ANKRD30A: variants seen among roughly 807,000 people sequenced by gnomAD.
The protein encoded by ANKRD30A is ankyrin repeat domain 30A.
In ANKRD30A, 170 loss-of-function variants were observed where a neutral mutation model predicts 166.3. The ratio of observed to expected loss-of-function variants is 1.02; its 90% confidence interval spans 0.90 to 1.16. The LOEUF is 1.16. ANKRD30A is among the 50% of genes most tolerant of loss of function. The pLI, the probability that ANKRD30A is intolerant of heterozygous loss-of-function variation, is 0.00. For missense variants in ANKRD30A, 1,630 were observed against 1,518.0 expected (o/e 1.07, Z -1.23); for synonymous variants, 564 against 508.9 (o/e 1.11, Z -1.46).
chr10:37,249,052 C>T, the ANKRD30A span, among the ~76,000 whole-genome samples: 1 of 152,078 alleles, frequency 6.6e-6, no homozygotes, highest in Non-Finnish European at 1.5e-5. Flanking sequence ...TCATGACTTG[C>T]AAGGGTGGTT....
In ANKRD30A at chr10:37,197,310, G is replaced by A. The variant is rs1386330698; in HGVS notation, c.2643+1G>A. 5 of 1,612,986 alleles carry A rather than the reference G, an allele frequency of 3.1e-6. No homozygotes were observed. The highest frequency in any genetic ancestry group is 2.2e-5 in the East Asian group (1 of 44,852). On this transcript the variant is annotated splice_donor_variant, in intron 28 of 35. Coordinates refer to ENST00000361713, the MANE Select transcript of ANKRD30A (RefSeq NM_052997.3). LOFTEE classifies it high-confidence loss of function. The stretch of plus-strand genomic sequence containing the variant: ...TCCCGAGAAGCCATCTGCCTTCGAG[G>A]TATTTAGTTTTATGATTTCATTTTG...
intron 30 of ANKRD30A, among the ~76,000 whole-genome samples, chr10:37,200,503 C>G (rs1841532221): frequency 6.6e-6 from 1 of 152,054 alleles, no homozygotes; most frequent in Admixed American, 6.6e-5. Context: ...CTCTTAGAAA[C>G]AAGCAGCTGC....
At chr10:37,252,325 A>T in the ANKRD30A span, among the ~76,000 whole-genome samples, 40 of 152,350 alleles carry the variant, frequency 2.6e-4, no homozygotes, top group African/African-American at 8.9e-4. Context: ...GAATTAAGCA[A>T]CTAGGCCTTT....
chr10:37,249,671 A>C, the ANKRD30A span, among the ~76,000 whole-genome samples: 2 of 152,298 alleles, frequency 1.3e-5, no homozygotes, highest in Admixed American at 1.3e-4. Flanking sequence ...CTATTAATGA[A>C]ACTAAAGTGG....
At chr10:37,158,321 C>A in intron 13 of ANKRD30A, 71 bp from the exon 14 acceptor site, 6 of 1,539,526 alleles carry the variant, frequency 3.9e-6, no homozygotes, top group Non-Finnish European at 5.3e-6. Context: ...TTCATGTTCA[C>A]ACTGTGTGAA....
the ANKRD30A span, among the ~76,000 whole-genome samples, chr10:37,261,024 AC>A: frequency 6.6e-6 from 1 of 152,064 alleles, no homozygotes; most frequent in Non-Finnish European, 1.5e-5. Flanking sequence ...CTTGCACTTT[AC>A]CCCCAAATGT....
chr10:37,155,172 G>A (rs1305822149), intron 13 of ANKRD30A, among the ~76,000 whole-genome samples: 1 of 152,162 alleles, frequency 6.6e-6, no homozygotes, highest in Non-Finnish European at 1.5e-5. Flanking sequence ...CATAGAAAAT[G>A]TTATTAATAT....
chr10:37,190,918 G>C (rs560658034), intron 25 of ANKRD30A, among the ~76,000 whole-genome samples: 1 of 151,656 alleles, frequency 6.6e-6, no homozygotes, highest in African/African-American at 2.4e-5. Context: ...TTATTTTTAA[G>C]GAAGCAAATT....
intron 15 of ANKRD30A, among the ~76,000 whole-genome samples, chr10:37,159,513 A>C (rs900091082): frequency 6.6e-6 from 1 of 152,130 alleles, no homozygotes; most frequent in South Asian, 2.1e-4. Context: ...ACTCCATCTG[A>C]AAAAGCAAAG....
At chr10:37,195,150 G>A (rs1782087) in intron 27 of ANKRD30A, among the ~76,000 whole-genome samples, 1 of 152,154 alleles carries the variant, frequency 6.6e-6, no homozygotes, top group African/African-American at 2.4e-5. Context: ...GTTAGAACAA[G>A]AATTTTCAAA....
intron 34 of ANKRD30A, among the ~76,000 whole-genome samples, chr10:37,220,567 C>G (rs1446257885): frequency 6.6e-6 from 1 of 150,788 alleles, no homozygotes; most frequent in Non-Finnish European, 1.5e-5. Context: ...TAAATAATAC[C>G]TTAGGACAAA....
chr10:37,202,255 A>G (rs899944217), intron 31 of ANKRD30A, among the ~76,000 whole-genome samples: 1 of 152,194 alleles, frequency 6.6e-6, no homozygotes, highest in African/African-American at 2.4e-5. Context: ...GTCCTCAGCA[A>G]ATGTAAAAGA....
At chr10:37,183,421 G>T (rs1234266229) in intron 24 of ANKRD30A, among the ~76,000 whole-genome samples, 1 of 146,396 alleles carries the variant, frequency 6.8e-6, no homozygotes. Flanking sequence ...AAATGCATAA[G>T]GTTTTAAAGT....
chr10:37,231,308 G>A (rs1036678811), intron 34 of ANKRD30A, among the ~76,000 whole-genome samples, 153 bp from the exon 35 acceptor site: 7 of 151,846 alleles, frequency 4.6e-5, no homozygotes, highest in African/African-American at 1.7e-4. Flanking sequence ...GCATACACTA[G>A]GCATGCTCTC....
chr10:37,129,995 A>G lies in ANKRD30A; in HGVS notation c.324A>G (p.Thr108=), dbSNP rs1836281521. ...ACGTCCTTGATGGCGAACACAGGAC[A>G]CCTCTGATGAAGGTAAATAGTAGCC... ...QLDVLDGEHR[T]PLMKALQCHQ... The change falls in exon 2 of 36, where the codon ACA becomes ACG. Residue 108 remains threonine (T), a synonymous_variant. Coordinates refer to ENST00000361713, the MANE Select transcript of ANKRD30A (RefSeq NM_052997.3). The G allele has an allele frequency of 3.2e-6, 5 of 1,540,428 alleles. No individual in the cohort carries two copies. The highest frequency in any genetic ancestry group is 1.7e-4 in the Middle Eastern group (1 of 5,800).
chr10:37,243,336 G>A, the ANKRD30A span, among the ~76,000 whole-genome samples: 2 of 150,706 alleles, frequency 1.3e-5, no homozygotes, highest in Non-Finnish European at 3.0e-5. Context: ...AGTAGAGACG[G>A]GTTTTCACCG....
chr10:37,225,644 T>C (rs1051538130), intron 34 of ANKRD30A, among the ~76,000 whole-genome samples: 1 of 151,816 alleles, frequency 6.6e-6, no homozygotes. Context: ...TTGGGCTTGA[T>C]TCTAATGGAA....
intron 27 of ANKRD30A, among the ~76,000 whole-genome samples, chr10:37,194,183 C>G (rs1470959785): frequency 2.6e-5 from 4 of 151,964 alleles, no homozygotes; most frequent in Non-Finnish European, 5.9e-5. Context: ...GAGTGAGACT[C>G]CATCTGAAAA....
rs1564549887 is a variant in ANKRD30A, at chr10:37,196,097, T to TTTTA, written c.2615-1181_2615-1180insATTT. 2.4e-3 allele frequency among the ~76,000 whole-genome samples: 320 copies of TTTTA among 132,774 alleles called. 5 individuals are homozygous for TTTTA. Among genetic ancestry groups the TTTTA allele is most frequent in the Middle Eastern group, 0.013 (3 of 236 alleles). 87.1% of individuals were successfully genotyped at this position (132,774 alleles called of 152,430 possible). A position where few individuals can be genotyped will look rare whatever the true frequency, so the allele number is the denominator to read the frequency against. On this transcript the variant is annotated intron_variant, in intron 27 of 35. Transcript: ENST00000361713. The stretch of plus-strand genomic sequence containing the variant: ...AGAGGTTTTTTTATATTTTCTATTT[T>TTTTA]TTTTTTTTTTTTTTTGTAGTAGAAG...
Sources: gnomAD v4.1 joint callset for allele counts (sites outside exome capture counted in the v4.1 genomes callset) on GRCh38, gnomAD v4.1.1 for gene constraint, MANE v1.5 for transcripts, NCBI Gene and HGNC (gene_info 2026-07-23, HGNC 2026-07-21) for gene names.